The following PITPNB variants were observed in gnomAD, a reference collection of about 807,000 sequenced individuals.
PITPNB encodes phosphatidylinositol transfer protein beta, also known as phosphatidylinositol transfer protein beta isoform.
A neutral mutation model predicts 45.9 loss-of-function variants in PITPNB; 16 were observed. The observed-to-expected ratio is 0.35, with a 90% CI of 0.24 to 0.53. The LOEUF (loss-of-function observed/expected upper bound fraction) is 0.53. Ranked by LOEUF, PITPNB falls within the 20% of genes least tolerant of loss-of-function variation. PITPNB has a pLI of 0.93. For synonymous variants in PITPNB, 112 were observed against 108.9 expected, an observed-to-expected ratio of 1.03 and a Z score of -0.18; for missense variants, 188 against 330.5, an observed-to-expected ratio of 0.57 and a Z score of 3.34.
At chr22:27,890,117 C>T (rs1935230995) in intron 7 of PITPNB, among the ~76,000 whole-genome samples, 2 of 152,080 alleles carry the variant, frequency 1.3e-5, no homozygotes, top group Admixed American at 1.3e-4. Flanking sequence ...AAGAAAAGAG[C>T]AGACCCAGGG....
intron 5 of PITPNB, 21 bp downstream of exon 5, chr22:27,897,109 C>T (rs941740656): frequency 2.0e-6 from 3 of 1,532,394 alleles, no homozygotes; most frequent in Non-Finnish European, 2.7e-6. Context: ...AAGTATGAGA[C>T]ACAAAAATAG....
Position 27,853,679 on chromosome 22 carries a change from AAGAC to A in PITPNB, c.*39-20_*39-17del, listed in dbSNP as rs1480168081. 3.2e-4 allele frequency: 496 copies of A among 1,539,740 alleles called. No individual in the cohort carries two copies. Among genetic ancestry groups the A allele is most frequent in the Non-Finnish European group, 3.8e-4 (437 of 1,136,918 alleles). ...GATTACGTAACTGTAAGAAAAGTGA[AAGAC>A]AGTGCAAAATGTGTTAAAATACAGA... On this transcript the variant is annotated splice_polypyrimidine_tract_variant and intron_variant, in intron 11 of 11. Transcript: ENST00000335272.
At chr22:27,861,025 A>G (rs939525896) in intron 8 of PITPNB, among the ~76,000 whole-genome samples, 7 of 87,340 alleles carry the variant, frequency 8.0e-5, no homozygotes, top group African/African-American at 2.4e-4. Context: ...CCATTTCTGG[A>G]AAAAAAAAAA....
chr22:27,853,721 T>A (rs997826773), intron 11 of PITPNB, 58 bp from the exon 12 acceptor site: 30 of 1,215,284 alleles, frequency 2.5e-5, no homozygotes, highest in Non-Finnish European at 3.2e-5. Flanking sequence ...CAGGAAATGT[T>A]AGCAGCTCGT....
intron 7 of PITPNB, among the ~76,000 whole-genome samples, chr22:27,879,430 T>C (rs1241173784): frequency 1.3e-5 from 2 of 152,214 alleles, no homozygotes; most frequent in African/African-American, 4.8e-5. Context: ...CCAGAGCTAC[T>C]GGGGCTAGTG....
chr22:27,887,269 T>C (rs1935148126), intron 7 of PITPNB, among the ~76,000 whole-genome samples: 1 of 152,166 alleles, frequency 6.6e-6, no homozygotes. Flanking sequence ...TGCTGCCCTT[T>C]GGTCATAAAA....
chr22:27,875,067 T>C (rs1934782288), intron 7 of PITPNB, among the ~76,000 whole-genome samples: 1 of 152,198 alleles, frequency 6.6e-6, no homozygotes, highest in Non-Finnish European at 1.5e-5. Flanking sequence ...GCATATGCCA[T>C]GTTAGTAATT....
chr22:27,906,676 C>T (rs1248011000), intron 3 of PITPNB, among the ~76,000 whole-genome samples: 1 of 152,100 alleles, frequency 6.6e-6, no homozygotes, highest in African/African-American at 2.4e-5. Flanking sequence ...TCCAATAACC[C>T]AGTGACCAGC....
chr22:27,865,182 C>T (rs776292464), intron 8 of PITPNB, among the ~76,000 whole-genome samples: 6 of 152,074 alleles, frequency 3.9e-5, no homozygotes, highest in Non-Finnish European at 5.9e-5. Flanking sequence ...AAACCTAATA[C>T]ACTGAAAAAC....
intron 8 of PITPNB, among the ~76,000 whole-genome samples, chr22:27,872,085 T>G (rs911700491): frequency 5.7e-5 from 6 of 104,866 alleles, no homozygotes; most frequent in African/African-American, 8.1e-5. Context: ...AGCCTGGTTT[T>G]TTTTTTTTTT....
chr22:27,858,881 T>G (rs1241032057), intron 9 of PITPNB, among the ~76,000 whole-genome samples: 1 of 152,216 alleles, frequency 6.6e-6, no homozygotes, highest in Non-Finnish European at 1.5e-5. Flanking sequence ...TATAAAACTA[T>G]ATATTGTCAT....
At chr22:27,855,367 A>G (rs1428918764) in intron 10 of PITPNB, among the ~76,000 whole-genome samples, 2 of 152,124 alleles carry the variant, frequency 1.3e-5, no homozygotes, top group Admixed American at 1.3e-4. Flanking sequence ...CCTTTAAAGG[A>G]AGTTTACTGA....
chr22:27,896,492 T>G (rs1935436768), intron 6 of PITPNB, 60 bp downstream of exon 6: 1 of 1,067,964 alleles, frequency 9.4e-7, no homozygotes, highest in Non-Finnish European at 1.5e-6. Context: ...CAAAGTGAAC[T>G]ACATATAGAA....
intron 1 of PITPNB, among the ~76,000 whole-genome samples, chr22:27,917,349 A>T (rs1038739286): frequency 1.3e-5 from 2 of 152,240 alleles, no homozygotes; most frequent in Non-Finnish European, 2.9e-5. Flanking sequence ...AATGAAAGAA[A>T]AATGACTGGA....
chr22:27,916,083 G>C (rs893601546), intron 1 of PITPNB, among the ~76,000 whole-genome samples: 1 of 152,208 alleles, frequency 6.6e-6, no homozygotes, highest in Non-Finnish European at 1.5e-5. Flanking sequence ...AGAAGAGTTA[G>C]TCTTCCCTTA....
chr22:27,893,582 CTTTTTTT>C (rs745878388), intron 7 of PITPNB, among the ~76,000 whole-genome samples: 1 of 74,032 alleles, frequency 1.4e-5, no homozygotes, highest in Non-Finnish European at 2.5e-5. Context: ...CATGTCTAGC[CTTTTTTT>C]TTTTTTTTTT....
intron 7 of PITPNB, among the ~76,000 whole-genome samples, chr22:27,880,080 C>T (rs1170179094): frequency 1.3e-5 from 2 of 152,176 alleles, no homozygotes; most frequent in Admixed American, 6.5e-5. Flanking sequence ...CCAGTTAATG[C>T]TCAAAAACTT....
At chr22:27,912,490 A>C (rs1345644899) in intron 2 of PITPNB, among the ~76,000 whole-genome samples, 2 of 152,206 alleles carry the variant, frequency 1.3e-5, no homozygotes, top group Admixed American at 1.3e-4. Flanking sequence ...CAGGACTAAA[A>C]TGAGTCTAGG....
chr22:27,881,134 T>C (rs1043980397), intron 7 of PITPNB, among the ~76,000 whole-genome samples: 2 of 152,240 alleles, frequency 1.3e-5, no homozygotes, highest in Admixed American at 1.3e-4. Context: ...AAAACATGCC[T>C]ACATTTATTT....
Sources: allele counts gnomAD v4.1 joint callset (sites outside exome capture counted in the v4.1 genomes callset), GRCh38; gene constraint gnomAD v4.1.1; transcripts MANE v1.5; gene names NCBI Gene and HGNC (gene_info 2026-07-23, HGNC 2026-07-21).